Variants in FZD6 observed in about 807,000 individuals in gnomAD.
FZD6 encodes the protein frizzled-6.
In FZD6, 49 loss-of-function variants were observed where a neutral mutation model predicts 61.4. That is an observed-to-expected ratio of 0.80 (90% CI 0.63 to 1.01). The LOEUF (loss-of-function observed/expected upper bound fraction) is 1.01. FZD6 is among the 50% of genes least tolerant of loss of function. The pLI is 0.00. For missense variants in FZD6, 724 were observed against 848.2 expected (o/e 0.85, Z 1.82); for synonymous variants, 265 against 292.2 (o/e 0.91, Z 0.95).
rs749576044 is a variant in FZD6, at chr8:103,329,932, A to G, written c.1819A>G (p.Thr607Ala). The G allele has an allele frequency of 6.2e-7, 1 of 1,614,062 alleles. No individual in the cohort carries two copies. The highest frequency in any genetic ancestry group is 8.5e-7 in the Non-Finnish European group (1 of 1,180,012). The change falls in exon 6 of 7, where the codon ACC becomes GCC. Residue 607 changes from threonine to alanine, a missense_variant. By Grantham distance (58) the Thr-to-Ala change is moderately conservative. Coordinates refer to ENST00000358755, the MANE Select transcript of FZD6 (RefSeq NM_003506.4). Reference protein sequence around the residue: ...MREVKADGASTPRLREQDCGE... With the variant: ...MREVKADGASAPRLREQDCGE... ...AGAGGTGAAAGCGGACGGAGCTAGC[A>G]CCCCCAGGTTAAGAGAACAGGACTG...
intron 2 of FZD6, among the ~76,000 whole-genome samples, chr8:103,311,653 C>G (rs1236601487): frequency 1.4e-5 from 2 of 146,048 alleles, no homozygotes; most frequent in Non-Finnish European, 3.0e-5. Flanking sequence ...GCACTCCAGC[C>G]TGGGCCACAG....
At chr8:103,307,124 A>G (rs1443083549) in intron 2 of FZD6, among the ~76,000 whole-genome samples, 1 of 152,184 alleles carries the variant, frequency 6.6e-6, no homozygotes, top group Non-Finnish European at 1.5e-5. Flanking sequence ...GAAGCAAGGC[A>G]CTGCCAAGAT....
Position 103,328,656 on chromosome 8 carries a change from A to G in FZD6, c.1541+240A>G, listed in dbSNP as rs938634882. On this transcript the variant is annotated intron_variant, in intron 5 of 6. Coordinates refer to ENST00000358755, the MANE Select transcript of FZD6 (RefSeq NM_003506.4). ...ATATGTCTGTGACATATACTATTCT[A>G]TTTGAAATATGAATGAATGATTTAT... Among the ~76,000 whole-genome samples the G allele has an allele frequency of 3.0e-4, 45 of 151,660 alleles. 1 individual carries two copies. The highest frequency in any genetic ancestry group is 1.1e-3 in the African/African-American group (45 of 41,440).
In FZD6 at chr8:103,331,425, C is replaced by A; in HGVS notation, c.2037C>A (p.Ser679Arg). 2 of 1,608,756 alleles carry A rather than the reference C, an allele frequency of 1.2e-6. No individual in the cohort carries two copies. The highest frequency in any genetic ancestry group is 1.7e-6 in the Non-Finnish European group (2 of 1,175,178). The part of the protein sequence containing the change: ...LQVPSSSEPS[S>R]LKGSTSLLVH... Reference sequence around the variant, plus strand: ...TCCCCAGTTCTTCAGAACCAAGCAGCCTCAAAGGTTCCACATCTCTGCTTG... The same window carrying A: ...TCCCCAGTTCTTCAGAACCAAGCAGACTCAAAGGTTCCACATCTCTGCTTG... The change falls in exon 7 of 7, where the codon AGC (serine) becomes AGA (arginine). Residue 679 changes from serine (S) to arginine (R), a missense_variant. Coordinates refer to ENST00000358755, the MANE Select transcript of FZD6 (RefSeq NM_003506.4).
chr8:103,302,244 C>G (rs1003836295), intron 2 of FZD6, among the ~76,000 whole-genome samples: 3 of 152,160 alleles, frequency 2.0e-5, no homozygotes, highest in Admixed American at 2.0e-4. Flanking sequence ...TCCTACTGCC[C>G]CTTTCCTATT....
intron 2 of FZD6, among the ~76,000 whole-genome samples, chr8:103,316,821 T>C (rs1814638500): frequency 6.6e-6 from 1 of 152,234 alleles, no homozygotes; most frequent in African/African-American, 2.4e-5. Context: ...ATTGATATGC[T>C]TTGTCAGTGT....
chr8:103,322,510 G>A (rs1248339867), intron 3 of FZD6, among the ~76,000 whole-genome samples: 5 of 152,150 alleles, frequency 3.3e-5, no homozygotes, highest in Admixed American at 1.3e-4. Context: ...GAGTTCATGT[G>A]GAGAAAGTAA....
rs745581835 is a variant in FZD6 at position 103,325,356 on chromosome 8, T to C, written c.1250T>C (p.Ile417Thr). 1 of 1,614,034 alleles carries C rather than the reference T, an allele frequency of 6.2e-7. No homozygotes were observed. Among genetic ancestry groups the C allele is most frequent in the Non-Finnish European group, 8.5e-7 (1 of 1,180,014 alleles). ...AAACTAAAGAAATTTATGATTCGAA[T>C]TGGAGTCTTCAGCGGCTTGTATCTT... ...QEKLKKFMIRIGVFSGLYLVP... is the reference protein window; with the variant it reads ...QEKLKKFMIRTGVFSGLYLVP... Residue 417 changes from isoleucine to threonine, a missense_variant, in exon 4 of 7, where the codon ATT becomes ACT. By Grantham distance (89) the Ile-to-Thr change is moderately conservative (BLOSUM62 -1). Transcript: ENST00000358755.
rs565413016 is a variant in FZD6 at position 103,313,875 on chromosome 8, A to G, written c.178-4715A>G. ...AAATCTAAAATTTGGGAAATTACAC[A>G]TAACAATCTAGGTTCTGTTTTCTTA... On this transcript the variant is annotated intron_variant, in intron 2 of 6. Coordinates refer to ENST00000358755, the MANE Select transcript of FZD6 (RefSeq NM_003506.4). 4.2e-4 allele frequency among the ~76,000 whole-genome samples: 64 copies of G among 152,244 alleles called. 1 individual carries two copies. In the South Asian group the frequency reaches 0.013, roughly 31 times the overall value.
chr8:103,329,467 A>G (rs1563695025), intron 5 of FZD6, among the ~76,000 whole-genome samples, 188 bp from the exon 6 acceptor site: 1 of 152,144 alleles, frequency 6.6e-6, no homozygotes, highest in Non-Finnish European at 1.5e-5. Flanking sequence ...GAGTGTATAC[A>G]CAAAAGATTT....
chr8:103,308,723 A>G (rs948236868), intron 2 of FZD6, among the ~76,000 whole-genome samples: 1 of 152,202 alleles, frequency 6.6e-6, no homozygotes, highest in Non-Finnish European at 1.5e-5. Context: ...CTATCCAGCC[A>G]CTTGAAGATG....
In FZD6 at chr8:103,313,760, CTGTGTGTGTGTGTG is replaced by C. The variant is rs58157848; in HGVS notation, c.178-4800_178-4787del. ...GGATCTGACCTGAGACTTGATTTTT[CTGTGTGTGTGTGTG>C]TGTGTGTGTGTGTGTGTGTGTGTGT... is the stretch of plus-strand genomic sequence containing the variant. On this transcript the variant is annotated intron_variant, in intron 2 of 6. Coordinates refer to ENST00000358755, the MANE Select transcript of FZD6 (RefSeq NM_003506.4). 1.5e-3 allele frequency among the ~76,000 whole-genome samples: 217 copies of C among 142,838 alleles called. 5 individuals carry two copies. The East Asian group carries it at 0.033, about 22-fold the overall frequency. 93.7% of individuals were successfully genotyped at this position (142,838 alleles called of 152,430 possible).
At chr8:103,328,966 A>G (rs550575419) in intron 5 of FZD6, among the ~76,000 whole-genome samples, 67 of 139,370 alleles carry the variant, frequency 4.8e-4, no homozygotes, top group African/African-American at 1.7e-3. Context: ...CTTATGGAAT[A>G]TTCTATAACA....
chr8:103,328,994 TGAGTAATTC>T (rs1288852667), intron 5 of FZD6, among the ~76,000 whole-genome samples: 35 of 139,470 alleles, frequency 2.5e-4, no homozygotes, highest in Admixed American at 8.0e-4. Flanking sequence ...TTTATATTTA[TGAGTAATTC>T]ATTTTAGTTT....
intron 6 of FZD6, 113 bp from the exon 7 acceptor site, chr8:103,331,228 A>G: frequency 2.5e-6 from 2 of 805,918 alleles, no homozygotes; most frequent in Non-Finnish European, 4.5e-6. Context: ...GAAGACTGTT[A>G]GCTATTTATT....
chr8:103,311,857 C>A (rs1814505456), intron 2 of FZD6, among the ~76,000 whole-genome samples: 1 of 152,056 alleles, frequency 6.6e-6, no homozygotes. Context: ...TCATCGAGTT[C>A]ATCACTGTCA....
At chr8:103,299,321 A>G (rs945279082) in intron 1 of FZD6, among the ~76,000 whole-genome samples, 3 of 152,224 alleles carry the variant, frequency 2.0e-5, no homozygotes, top group Admixed American at 6.5e-5. Flanking sequence ...TCCGGGGCCT[A>G]CAGCCTTCCT....
chr8:103,307,033 C>T (rs994099878), intron 2 of FZD6, among the ~76,000 whole-genome samples: 6 of 152,282 alleles, frequency 3.9e-5, no homozygotes, highest in Middle Eastern at 3.4e-3. Flanking sequence ...ATGTGGCTTG[C>T]TTCCATGTAC....
chr8:103,318,818 T>A, intron 3 of FZD6, 32 bp downstream of exon 3: 1 of 1,275,192 alleles, frequency 7.8e-7, no homozygotes, highest in Non-Finnish European at 1.1e-6. Context: ...AAGCTACTAA[T>A]GGTATTTTAC....
Sources: gnomAD v4.1 joint callset for allele counts (sites outside exome capture counted in the v4.1 genomes callset) on GRCh38, gnomAD v4.1.1 for gene constraint, MANE v1.5 for transcripts, NCBI Gene and HGNC (gene_info 2026-07-23, HGNC 2026-07-21) for gene names.